The following MCTP1 variants were observed in gnomAD, a reference collection of about 807,000 sequenced individuals.
MCTP1 encodes the protein multiple C2 and transmembrane domain-containing protein 1.
In MCTP1, 69 loss-of-function variants were observed where a neutral mutation model predicts 120.6. That is an observed-to-expected ratio of 0.57 (90% CI 0.47 to 0.70). MCTP1 has a LOEUF of 0.70. Ranked by LOEUF, MCTP1 falls within the 30% of genes least tolerant of loss-of-function variation. The pLI, the probability that MCTP1 is intolerant of heterozygous loss-of-function variation, is 0.00. For missense variants in MCTP1, 1,203 were observed against 1,248.8 expected (o/e 0.96, Z 0.55); for synonymous variants, 529 against 493.1 (o/e 1.07, Z -0.96).
chr5:94,891,608 C>T (rs1056347795), intron 11 of MCTP1, among the ~76,000 whole-genome samples: 2 of 152,098 alleles, frequency 1.3e-5, no homozygotes, highest in African/African-American at 4.8e-5. Context: ...TCAGGTGCTT[C>T]GGCTCTGATC....
chr5:94,734,249 A>G (rs1473699131), intron 19 of MCTP1, among the ~76,000 whole-genome samples: 1 of 152,226 alleles, frequency 6.6e-6, no homozygotes, highest in Non-Finnish European at 1.5e-5. Flanking sequence ...TCCTCTGTAG[A>G]CAGACATGGC....
chr5:94,863,060 T>C (rs1796119043), intron 17 of MCTP1, among the ~76,000 whole-genome samples: 1 of 151,816 alleles, frequency 6.6e-6, no homozygotes, highest in South Asian at 2.1e-4. Context: ...AGCTTCTAAA[T>C]CTGTATAGAT....
chr5:94,936,442 T>C (rs935210402), intron 5 of MCTP1, among the ~76,000 whole-genome samples: 1 of 152,018 alleles, frequency 6.6e-6, no homozygotes, highest in Non-Finnish European at 1.5e-5. Context: ...TTTGTATGGC[T>C]GGGACAGAAG....
chr5:94,933,700 T>C (rs1272199322), intron 5 of MCTP1, among the ~76,000 whole-genome samples: 1 of 151,862 alleles, frequency 6.6e-6, no homozygotes, highest in African/African-American at 2.4e-5. Flanking sequence ...AGAAATGTTA[T>C]GCTATGTAAA....
chr5:94,927,684 T>C (rs969443081), intron 6 of MCTP1, among the ~76,000 whole-genome samples: 4 of 152,326 alleles, frequency 2.6e-5, no homozygotes, highest in Admixed American at 2.0e-4. Flanking sequence ...GATGTGTTAA[T>C]CTGTTTCTCC....
In MCTP1 at chr5:95,031,315, C is replaced by T. The variant is rs150785902; in HGVS notation, c.721-13831G>A. On this transcript the variant is annotated intron_variant, in intron 1 of 22. Transcript: ENST00000515393. ...AAAACACTATACAAGATAACCACCC[C>T]CAAGACATAGAGTCGTCTGATTTTC... Among the ~76,000 whole-genome samples, 12 of 151,900 alleles carry T rather than the reference C, an allele frequency of 7.9e-5. 1 individual carries two copies. In the East Asian group the frequency reaches 2.3e-3, roughly 29 times the overall value.
chr5:95,053,745 C>CT (rs142217882), intron 1 of MCTP1, among the ~76,000 whole-genome samples: 5,402 of 152,244 alleles, frequency 0.035, 103 homozygotes, highest in African/African-American at 0.048. Context: ...CAACACAATC[C>CT]TTTAAAAGTG....
intron 17 of MCTP1, among the ~76,000 whole-genome samples, chr5:94,859,571 C>T (rs942374942): frequency 4.0e-5 from 6 of 151,564 alleles, no homozygotes; most frequent in South Asian, 2.1e-4. Context: ...TAAATATGTA[C>T]GATTATTTTG....
intron 1 of MCTP1, among the ~76,000 whole-genome samples, chr5:95,039,129 A>T (rs1446400811): frequency 1.3e-5 from 2 of 152,226 alleles, no homozygotes; most frequent in African/African-American, 2.4e-5. Context: ...CATGTGAAAC[A>T]CTTAGTATCC....
At chr5:94,770,371 C>T (rs537624508) in intron 19 of MCTP1, among the ~76,000 whole-genome samples, 1 of 152,284 alleles carries the variant, frequency 6.6e-6, no homozygotes, top group South Asian at 2.1e-4. Flanking sequence ...TGCTGCAATA[C>T]AGAAGTTAAC....
intron 1 of MCTP1, among the ~76,000 whole-genome samples, chr5:95,166,496 T>C (rs959525062): frequency 2.0e-5 from 3 of 152,130 alleles, no homozygotes; most frequent in Non-Finnish European, 2.9e-5. Context: ...TTCATATTAC[T>C]TTTTTTCTAC....
At chr5:94,795,145 C>A (rs1302284446) in intron 18 of MCTP1, among the ~76,000 whole-genome samples, 1 of 151,934 alleles carries the variant, frequency 6.6e-6, no homozygotes, top group Non-Finnish European at 1.5e-5. Context: ...TAACCTATTT[C>A]CTTCATTCTC....
intron 1 of MCTP1, chr5:95,081,410 C>A: frequency 6.2e-7 from 1 of 1,608,864 alleles, no homozygotes; most frequent in Non-Finnish European, 8.5e-7. Flanking sequence ...AGTGAGTAAA[C>A]CAAAATGTTA....
intron 1 of MCTP1, among the ~76,000 whole-genome samples, chr5:95,212,952 A>T (rs1188917174): frequency 2.0e-5 from 3 of 152,204 alleles, no homozygotes; most frequent in Non-Finnish European, 4.4e-5. Context: ...GAAAACCGGC[A>T]CAAGACAGGG....
At chr5:94,715,220 TGC>T (rs1236634622) in intron 19 of MCTP1, among the ~76,000 whole-genome samples, 8 of 152,016 alleles carry the variant, frequency 5.3e-5, no homozygotes. Flanking sequence ...GATTCTACAG[TGC>T]CTCTGGATCC....
At chr5:94,919,688 A>T (rs993853053) in intron 7 of MCTP1, among the ~76,000 whole-genome samples, 1 of 152,180 alleles carries the variant, frequency 6.6e-6, no homozygotes, top group Admixed American at 6.5e-5. Context: ...GCCTAGAATG[A>T]CTGTTTTGTG....
intron 1 of MCTP1, among the ~76,000 whole-genome samples, chr5:95,028,716 C>A (rs868335657): frequency 2.0e-5 from 3 of 152,182 alleles, no homozygotes; most frequent in Non-Finnish European, 4.4e-5. Context: ...TGTAAACAGA[C>A]TTTGTGTTGC....
intron 1 of MCTP1, among the ~76,000 whole-genome samples, chr5:95,075,632 G>C (rs1297385108): frequency 1.3e-5 from 2 of 152,122 alleles, no homozygotes; most frequent in African/African-American, 4.8e-5. Context: ...TGGAGACGCT[G>C]CTCTTTGTTT....
At chr5:94,996,381 T>C (rs1007829301) in intron 2 of MCTP1, among the ~76,000 whole-genome samples, 2 of 152,178 alleles carry the variant, frequency 1.3e-5, no homozygotes, top group African/African-American at 4.8e-5. Flanking sequence ...CAATGCTGCA[T>C]GCTATTTCAT....
Sources: gnomAD v4.1 joint callset for allele counts (sites outside exome capture counted in the v4.1 genomes callset) on GRCh38, gnomAD v4.1.1 for gene constraint, MANE v1.5 for transcripts, NCBI Gene and HGNC (gene_info 2026-07-23, HGNC 2026-07-21) for gene names.